PRRC1: variants seen among roughly 807,000 people sequenced by gnomAD.
PRRC1 encodes proline rich coiled-coil 1.
PRRC1 carries 39 observed loss-of-function variants against 40.7 expected under a neutral mutation model. The ratio of observed to expected loss-of-function variants is 0.96; its 90% CI spans 0.74 to 1.25. The LOEUF (loss-of-function observed/expected upper bound fraction) is 1.25. Ranked by LOEUF, PRRC1 falls within the 50% of genes most tolerant of loss-of-function variation. The pLI is 0.00. For missense variants in PRRC1, 573 were observed against 548.3 expected, an observed-to-expected ratio of 1.05 and a Z score of -0.45; for synonymous variants, 175 against 193.3, an observed-to-expected ratio of 0.91 and a Z score of 0.79.
chr5:127,526,601 T>C lies in PRRC1; in HGVS notation c.494-17T>C. 6.3e-7 allele frequency: 1 copy of C among 1,587,872 alleles called. No homozygotes were observed. Among genetic ancestry groups the C allele is most frequent in the Non-Finnish European group, 8.6e-7 (1 of 1,168,790 alleles). ...ATGGAATAAATTATACATATGAAAA[T>C]TTTTGCCATTGATTAGGTCTTTTGC... On this transcript the variant is annotated splice_polypyrimidine_tract_variant and intron_variant, in intron 3 of 8. Coordinates refer to ENST00000296666, the MANE Select transcript of PRRC1 (RefSeq NM_130809.5).
At chr5:127,529,433 G>A (rs962693961) in intron 4 of PRRC1, among the ~76,000 whole-genome samples, 1 of 151,998 alleles carries the variant, frequency 6.6e-6, no homozygotes, top group Non-Finnish European at 1.5e-5. Flanking sequence ...GTCATGAGTT[G>A]TAATACCCAG....
Position 127,554,161 on chromosome 5 carries a change from T to C in PRRC1, c.*2245T>C. On this transcript the variant is annotated 3_prime_UTR_variant, in exon 9 of 9. Coordinates refer to ENST00000296666, the MANE Select transcript of PRRC1 (RefSeq NM_130809.5). ...AGCCAGGTAGTCTTAGTGGTGGTGT[T>C]TAGGCATAAGATATGCTGATCATCA... 3.2e-6 allele frequency: 1 copy of C among 310,670 alleles called. No individual in the cohort carries two copies. Among genetic ancestry groups the C allele is most frequent in the South Asian group, 5.4e-5 (1 of 18,644 alleles). The allele number at this position is 310,670 out of a possible 1,614,324, so 19.2% of individuals were successfully genotyped here.
chr5:127,541,521 G>T (rs376873503), intron 7 of PRRC1, among the ~76,000 whole-genome samples: 1 of 151,890 alleles, frequency 6.6e-6, no homozygotes, highest in African/African-American at 2.4e-5. Context: ...TTTTTGGTTG[G>T]TAAGCTATTG....
chr5:127,532,751 CATG>C (rs1176407187), intron 5 of PRRC1, among the ~76,000 whole-genome samples: 2 of 152,112 alleles, frequency 1.3e-5, no homozygotes, highest in African/African-American at 4.8e-5. Flanking sequence ...CCCTGTTCCA[CATG>C]ATATTTATTA....
rs987960410 is a variant in PRRC1, at chr5:127,554,451, G to A, written c.*2535G>A. On this transcript the variant is annotated 3_prime_UTR_variant, in exon 9 of 9. Transcript: ENST00000296666. Reference sequence around the variant, plus strand: ...ACAAATTATTGAATTTTATAAGCTTGTACACAATATTTAATTAGTGTGAAA... The same window carrying A: ...ACAAATTATTGAATTTTATAAGCTTATACACAATATTTAATTAGTGTGAAA... The A allele has an allele frequency of 6.6e-6, 1 of 151,820 alleles. No homozygotes were observed. The highest frequency in any genetic ancestry group is 1.5e-5 in the Non-Finnish European group (1 of 67,976). 9.4% of individuals were successfully genotyped at this position (151,820 alleles called of 1,614,324 possible).
At chr5:127,521,502 C>T (rs953807429) in intron 1 of PRRC1, among the ~76,000 whole-genome samples, 4 of 152,192 alleles carry the variant, frequency 2.6e-5, no homozygotes, top group Non-Finnish European at 5.9e-5. Flanking sequence ...CCTTCCCCTC[C>T]CTTGTTCAGG....
intron 1 of PRRC1, among the ~76,000 whole-genome samples, chr5:127,520,685 A>G (rs1214071090): frequency 2.0e-5 from 3 of 152,174 alleles, no homozygotes; most frequent in African/African-American, 7.2e-5. Context: ...CAACATGAGG[A>G]AGTTTCTTTT....
In PRRC1 at chr5:127,552,411, A is replaced by G; in HGVS notation, c.*495A>G. 1.3e-5 allele frequency: 12 copies of G among 932,350 alleles called. No homozygotes were observed. Among genetic ancestry groups the G allele is most frequent in the Non-Finnish European group, 1.4e-5 (11 of 780,190 alleles). 57.8% of individuals were successfully genotyped at this position (932,350 alleles called of 1,614,324 possible). ...AGCAGCCTGCTCAACAGTCACTATA[A>G]GACACCTACTTGTCGGGAGATGTTC... On this transcript the variant is annotated 3_prime_UTR_variant, in exon 9 of 9. Transcript: ENST00000296666.
At chr5:127,527,771 A>AC (rs1388533168) in intron 4 of PRRC1, among the ~76,000 whole-genome samples, 2 of 151,374 alleles carry the variant, frequency 1.3e-5, no homozygotes, top group African/African-American at 4.8e-5. Context: ...AAAAAAAAAA[A>AC]AAAAAAACCA....
chr5:127,543,839 T>G lies in PRRC1; in HGVS notation c.1026-3980T>G, dbSNP rs142119575. On this transcript the variant is annotated intron_variant, in intron 7 of 8. Transcript: ENST00000296666. ...TTGAATTTCCTTCTGTAGCTCGGAG[T>G]AGTTTGATCATCTGAAGCCTTCTTC... Among the ~76,000 whole-genome samples, 995 of 152,256 alleles carry G rather than the reference T, an allele frequency of 6.5e-3. 13 individuals carry two copies. The highest frequency in any genetic ancestry group is 0.023 in the African/African-American group (942 of 41,538).
Position 127,539,161 on chromosome 5 carries a change from CT to C in PRRC1, c.1025+19del, listed in dbSNP as rs770690696. 1.3e-6 allele frequency: 2 copies of C among 1,587,872 alleles called. No individual in the cohort carries two copies. The highest frequency in any genetic ancestry group is 1.7e-6 in the Non-Finnish European group (2 of 1,156,994). On this transcript the variant is annotated intron_variant, in intron 7 of 8. Transcript: ENST00000296666. ...CCTGACAAGTAAGTGTATTATGTTT[CT>C]CTTGGAAGCAAAATATAATTGGGTC...
At chr5:127,546,033 T>C (rs933826761) in intron 7 of PRRC1, among the ~76,000 whole-genome samples, 14 of 152,194 alleles carry the variant, frequency 9.2e-5, no homozygotes, top group Non-Finnish European at 2.1e-4. Context: ...AAAACTTGCT[T>C]CTGGCCCATT....
Position 127,533,630 on chromosome 5 carries a change from A to T in PRRC1, c.765A>T (p.Gly255=). 1 of 1,609,888 alleles carries T rather than the reference A, an allele frequency of 6.2e-7. No individual in the cohort carries two copies. Among genetic ancestry groups the T allele is most frequent in the Non-Finnish European group, 8.5e-7 (1 of 1,178,882 alleles). ...TTCCTCTGGTCTTTTTAGAATCTGG[A>T]GGTGAACTGGATATTGTAGTGACCT... ...DPGMAPYIKS[G]GELDIVVTSN... Residue 255 remains glycine, a synonymous_variant, in exon 6 of 9, where the codon GGA becomes GGT. Transcript: ENST00000296666.
At chr5:127,525,242 C>T (rs1353621067) in intron 3 of PRRC1, among the ~76,000 whole-genome samples, 1 of 152,200 alleles carries the variant, frequency 6.6e-6, no homozygotes, top group Non-Finnish European at 1.5e-5. Flanking sequence ...TAGATGGAAT[C>T]ATATAATACG....
In PRRC1 at chr5:127,518,632, C is replaced by A. The variant is rs147735475; in HGVS notation, c.-21+856C>A. The stretch of plus-strand genomic sequence containing the variant: ...CTCACTGTTTGGTAGTAGAGACAAT[C>A]TTGTGGCACGAGTAGGTCAGCAATA... On this transcript the variant is annotated intron_variant, in intron 1 of 8. Transcript: ENST00000296666. 5.0e-3 allele frequency among the ~76,000 whole-genome samples: 755 copies of A among 152,148 alleles called. 9 individuals are homozygous for A. In the Middle Eastern group the frequency reaches 0.068, roughly 14 times the overall value.
intron 2 of PRRC1, chr5:127,524,184 T>C (rs1357120241): frequency 1.0e-5 from 2 of 194,768 alleles, no homozygotes; most frequent in African/African-American, 4.7e-5. Flanking sequence ...TACTGCTCTA[T>C]GACTTTGTGG....
chr5:127,553,730 T>A lies in PRRC1; in HGVS notation c.*1814T>A. 6.6e-7 allele frequency: 1 copy of A among 1,509,428 alleles called. No homozygotes were observed. Among genetic ancestry groups the A allele is most frequent in the South Asian group, 1.3e-5 (1 of 79,046 alleles). 93.5% of individuals were successfully genotyped at this position (1,509,428 alleles called of 1,614,324 possible). On this transcript the variant is annotated 3_prime_UTR_variant, in exon 9 of 9. Transcript: ENST00000296666. ...TTTCTTTGATTTTTATTTTACCAAG[T>A]CACAAATGTCTTTTTGATGTTTTGA...
chr5:127,521,405 T>C (rs1211201732), intron 1 of PRRC1, among the ~76,000 whole-genome samples: 2 of 152,074 alleles, frequency 1.3e-5, no homozygotes, highest in African/African-American at 4.8e-5. Context: ...AAATAGCCAG[T>C]TGGAATTAGC....
At chr5:127,541,528 A>G (rs918896298) in intron 7 of PRRC1, among the ~76,000 whole-genome samples, 6 of 151,894 alleles carry the variant, frequency 4.0e-5, no homozygotes, top group Non-Finnish European at 7.4e-5. Context: ...TTGGTAAGCT[A>G]TTGATTATTG....
Sources: gnomAD v4.1 joint callset for allele counts (sites outside exome capture counted in the v4.1 genomes callset) on GRCh38, gnomAD v4.1.1 for gene constraint, MANE v1.5 for transcripts, NCBI Gene and HGNC (gene_info 2026-07-23, HGNC 2026-07-21) for gene names.